NKAIN2: variants seen among roughly 807,000 people sequenced by gnomAD.
The protein encoded by NKAIN2 is sodium/potassium-transporting ATPase subunit beta-1-interacting protein 2.
NKAIN2 carries 14 observed loss-of-function variants against 32.6 expected under a neutral mutation model. That is an observed-to-expected ratio of 0.43 (90% confidence interval 0.28 to 0.67). The LOEUF is 0.67. Among genes scored for constraint, NKAIN2 ranks in the 30% least tolerant of loss-of-function variants. The pLI is 0.17. For synonymous variants in NKAIN2, 80 were observed against 87.2 expected (o/e 0.92, Z 0.46); for missense variants, 198 against 258.3 (o/e 0.77, Z 1.60).
chr6:123,883,658 T>TTTAA (rs577012613), intron 1 of NKAIN2, among the ~76,000 whole-genome samples: 10 of 145,218 alleles, frequency 6.9e-5, no homozygotes, highest in East Asian at 4.0e-4. Context: ...AAATTTTTTT[T>TTTAA]AAAATTTTAA....
At chr6:124,536,658 C>T (rs898622183) in intron 3 of NKAIN2, among the ~76,000 whole-genome samples, 1 of 152,110 alleles carries the variant, frequency 6.6e-6, no homozygotes, top group African/African-American at 2.4e-5. Context: ...GTGTTTCATG[C>T]ACTTCAAGGG....
At chr6:124,405,055 G>C (rs1000583954) in intron 3 of NKAIN2, among the ~76,000 whole-genome samples, 2 of 152,082 alleles carry the variant, frequency 1.3e-5, no homozygotes, top group African/African-American at 4.8e-5. Context: ...CAAACTATTT[G>C]CTTCTATAGT....
chr6:124,417,246 T>G (rs1774532140), intron 3 of NKAIN2, among the ~76,000 whole-genome samples: 1 of 152,114 alleles, frequency 6.6e-6, no homozygotes, highest in Non-Finnish European at 1.5e-5. Flanking sequence ...ACAGAAAGTT[T>G]CAACAAAATC....
At chr6:124,134,252 T>A (rs1304398831) in intron 1 of NKAIN2, among the ~76,000 whole-genome samples, 1 of 151,842 alleles carries the variant, frequency 6.6e-6, no homozygotes, top group Non-Finnish European at 1.5e-5. Context: ...CAAAATGCAG[T>A]GAAAAGATTC....
intron 3 of NKAIN2, among the ~76,000 whole-genome samples, chr6:124,453,715 G>A (rs1240898230): frequency 6.6e-6 from 1 of 152,046 alleles, no homozygotes; most frequent in African/African-American, 2.4e-5. Context: ...TGATCAATGA[G>A]TGTTTCTAGA....
chr6:124,483,875 A>G (rs1385551645), intron 3 of NKAIN2, among the ~76,000 whole-genome samples: 2 of 152,186 alleles, frequency 1.3e-5, no homozygotes, highest in African/African-American at 4.8e-5. Context: ...GATATAACCA[A>G]TCGCTATGAT....
intron 3 of NKAIN2, among the ~76,000 whole-genome samples, chr6:124,428,554 C>A (rs1054715428): frequency 1.3e-5 from 2 of 152,112 alleles, no homozygotes; most frequent in African/African-American, 4.8e-5. Flanking sequence ...TCAGTGAGGG[C>A]AGCCTAAGTA....
At chr6:123,941,203 C>G (rs1301891110) in intron 1 of NKAIN2, among the ~76,000 whole-genome samples, 1 of 151,784 alleles carries the variant, frequency 6.6e-6, no homozygotes, top group Non-Finnish European at 1.5e-5. Context: ...GAGCTGATAA[C>G]AAGTCTGCCC....
chr6:124,701,079 CTG>C (rs1774757715), intron 4 of NKAIN2, among the ~76,000 whole-genome samples: 1 of 149,502 alleles, frequency 6.7e-6, no homozygotes, highest in Non-Finnish European at 1.5e-5. Flanking sequence ...TATTCATACA[CTG>C]TGATCATCTA....
chr6:124,534,428 GGTGTGAGCCA>G (rs1160136083), intron 3 of NKAIN2, among the ~76,000 whole-genome samples: 2 of 152,180 alleles, frequency 1.3e-5, no homozygotes, highest in Non-Finnish European at 2.9e-5. Context: ...TGGAATTACA[GGTGTGAGCCA>G]CCATGCCAAG....
chr6:124,794,467 C>T (rs1469840237), intron 5 of NKAIN2, among the ~76,000 whole-genome samples: 3 of 152,114 alleles, frequency 2.0e-5, no homozygotes, highest in Non-Finnish European at 2.9e-5. Context: ...TGAAAGACTC[C>T]AAAAAATAAC....
Position 124,658,330 on chromosome 6 carries a change from T to C in NKAIN2, c.418T>C (p.Leu140=). The change falls in exon 4 of 7, where the codon TTG becomes CTG. Residue 140 remains leucine (L), a synonymous_variant. Transcript: ENST00000368417. ...DHRYITVSGC[L]LEYQYIEVAH... ...TCGCTACATCACGGTCTCAGGGTGT[T>C]TGCTGGAGTACCAGTACATAGAAGT... is the stretch of plus-strand genomic sequence containing the variant. 6.2e-7 allele frequency: 1 copy of C among 1,614,102 alleles called. No individual in the cohort carries two copies.
intron 1 of NKAIN2, among the ~76,000 whole-genome samples, chr6:124,139,079 A>AATTT (rs1457805240): frequency 1.0e-5 from 1 of 99,470 alleles, no homozygotes; most frequent in African/African-American, 4.2e-5. Context: ...TTAAATAAAA[A>AATTT]TTTTTTTTTT....
chr6:124,601,150 T>C (rs1285235227), intron 3 of NKAIN2, among the ~76,000 whole-genome samples: 1 of 152,098 alleles, frequency 6.6e-6, no homozygotes, highest in African/African-American at 2.4e-5. Context: ...GCTGTGTCAA[T>C]AGACACAACA....
At chr6:124,342,962 C>T (rs969216799) in intron 2 of NKAIN2, among the ~76,000 whole-genome samples, 3 of 150,178 alleles carry the variant, frequency 2.0e-5, no homozygotes, top group African/African-American at 4.9e-5. Flanking sequence ...GCTATATCTC[C>T]TAATGCTATC....
At chr6:124,101,248 A>C (rs565203829) in intron 1 of NKAIN2, among the ~76,000 whole-genome samples, 1 of 152,262 alleles carries the variant, frequency 6.6e-6, no homozygotes, top group African/African-American at 2.4e-5. Flanking sequence ...CTGAAAAAAA[A>C]ATGATTATTA....
chr6:123,940,093 A>G (rs1776745038), intron 1 of NKAIN2, among the ~76,000 whole-genome samples: 1 of 152,032 alleles, frequency 6.6e-6, no homozygotes, highest in Middle Eastern at 3.4e-3. Context: ...AGCATACATT[A>G]AAAAATTACT....
At chr6:124,729,115 A>C (rs2114656948) in intron 4 of NKAIN2, among the ~76,000 whole-genome samples, 1 of 152,352 alleles carries the variant, frequency 6.6e-6, no homozygotes, top group South Asian at 2.1e-4. Context: ...TCACAGCTGA[A>C]TTCTACCAGA....
chr6:124,134,736 G>A (rs576361433), intron 1 of NKAIN2, among the ~76,000 whole-genome samples: 2 of 152,236 alleles, frequency 1.3e-5, no homozygotes, highest in Non-Finnish European at 2.9e-5. Context: ...AATAATTGAG[G>A]AAAACTTCCC....
Sources: allele counts gnomAD v4.1 joint callset (sites outside exome capture counted in the v4.1 genomes callset), GRCh38; gene constraint gnomAD v4.1.1; transcripts MANE v1.5; gene names NCBI Gene and HGNC (gene_info 2026-07-23, HGNC 2026-07-21).